Variants in SLC24A3 observed in about 807,000 individuals in gnomAD.
The protein encoded by SLC24A3 is solute carrier family 24 member 3, also known as sodium/potassium/calcium exchanger 3.
In SLC24A3, 28 loss-of-function variants were observed where a neutral mutation model predicts 75.8. That is an observed-to-expected ratio of 0.37 (90% CI 0.27 to 0.51). The LOEUF is 0.51. SLC24A3 is among the 20% of genes least tolerant of loss of function. The pLI, the probability that SLC24A3 is intolerant of heterozygous loss-of-function variation, is 0.94. For missense variants in SLC24A3, 663 were observed against 847.8 expected, an observed-to-expected ratio of 0.78 and a Z score of 2.71; for synonymous variants, 372 against 334.1, an observed-to-expected ratio of 1.11 and a Z score of -1.24.
rs1334350838 is a variant in SLC24A3 at position 19,684,295 on chromosome 20, A to C, written c.1021A>C (p.Lys341Gln). ...CATGATAACCAGCCACTTTCCCCCCAAGACCCGGCTCTCCATGGCCAGTCG... is the reference window on the plus strand; with the variant it reads ...CATGATAACCAGCCACTTTCCCCCCCAGACCCGGCTCTCCATGGCCAGTCG... The part of the protein sequence containing the change: ...RIMITSHFPP[K>Q]TRLSMASRML... Residue 341 changes from lysine to glutamine, a missense_variant, in exon 11 of 17, where the codon AAG becomes CAG. Lys to Gln is a moderately conservative substitution (Grantham distance 53, BLOSUM62 1). Transcript: ENST00000328041. The C allele has an allele frequency of 6.2e-7, 1 of 1,613,960 alleles. No homozygotes were observed. Among genetic ancestry groups the C allele is most frequent in the Non-Finnish European group, 8.5e-7 (1 of 1,180,014 alleles).
chr20:19,585,673 AT>A, intron 6 of SLC24A3, 129 bp downstream of exon 6: 1 of 829,716 alleles, frequency 1.2e-6, no homozygotes. Context: ...GGCAGCAGTG[AT>A]TTGGGACCTC....
chr20:19,448,910 T>A (rs2122478730), intron 2 of SLC24A3, among the ~76,000 whole-genome samples: 1 of 152,296 alleles, frequency 6.6e-6, no homozygotes, highest in Middle Eastern at 3.4e-3. Context: ...CTCCTACTAA[T>A]AAAGGAGAGA....
At chr20:19,643,522 G>A (rs1031286821) in intron 6 of SLC24A3, among the ~76,000 whole-genome samples, 4 of 152,288 alleles carry the variant, frequency 2.6e-5, no homozygotes, top group East Asian at 3.9e-4. Flanking sequence ...TTTTTAGAGA[G>A]ATGAGAGAAA....
intron 6 of SLC24A3, among the ~76,000 whole-genome samples, chr20:19,615,815 G>A (rs561319970): frequency 6.6e-6 from 1 of 152,242 alleles, no homozygotes; most frequent in South Asian, 2.1e-4. Context: ...TCTGAGACTT[G>A]CACCAGTGGC....
At chr20:19,454,402 T>C (rs942803106) in intron 2 of SLC24A3, among the ~76,000 whole-genome samples, 4 of 152,250 alleles carry the variant, frequency 2.6e-5, no homozygotes, top group African/African-American at 9.6e-5. Context: ...ATATTTGGTC[T>C]TGATTTCATT....
chr20:19,381,173 A>G (rs75806506), intron 2 of SLC24A3, among the ~76,000 whole-genome samples: 1,838 of 152,314 alleles, frequency 0.012, 37 homozygotes, highest in African/African-American at 0.039. Context: ...TATTCATTCA[A>G]TTCATTGTTT....
At chr20:19,264,672 T>C (rs1039834883) in intron 1 of SLC24A3, among the ~76,000 whole-genome samples, 8 of 143,184 alleles carry the variant, frequency 5.6e-5, no homozygotes, top group African/African-American at 2.1e-4. Flanking sequence ...GAGGTTGCAG[T>C]GAGCCAAGAT....
intron 2 of SLC24A3, among the ~76,000 whole-genome samples, chr20:19,332,867 C>A (rs1484965636): frequency 6.6e-6 from 1 of 152,184 alleles, no homozygotes; most frequent in Admixed American, 6.5e-5. Context: ...ACCAGCCACC[C>A]TCATTGAGAA....
At chr20:19,430,894 C>T (rs940805166) in intron 2 of SLC24A3, among the ~76,000 whole-genome samples, 2 of 152,144 alleles carry the variant, frequency 1.3e-5, no homozygotes. Context: ...ACACCCTACT[C>T]CATCCTGCCT....
chr20:19,547,887 A>G (rs2030626863), intron 3 of SLC24A3, among the ~76,000 whole-genome samples: 1 of 152,260 alleles, frequency 6.6e-6, no homozygotes, highest in Admixed American at 6.5e-5. Flanking sequence ...AGAAGTCAGG[A>G]CATCTTTGCA....
intron 9 of SLC24A3, among the ~76,000 whole-genome samples, chr20:19,674,801 T>C (rs917240560): frequency 1.3e-5 from 2 of 152,122 alleles, no homozygotes; most frequent in African/African-American, 4.8e-5. Flanking sequence ...GCCTGTAATC[T>C]CAGCACTTTG....
At chr20:19,365,079 C>T (rs762633053) in intron 2 of SLC24A3, among the ~76,000 whole-genome samples, 22 of 152,228 alleles carry the variant, frequency 1.4e-4, no homozygotes, top group Non-Finnish European at 2.9e-4. Context: ...TAGAGCCATG[C>T]AGCTGTGCCA....
intron 2 of SLC24A3, among the ~76,000 whole-genome samples, chr20:19,399,929 C>G (rs1260610626): frequency 1.3e-5 from 2 of 152,314 alleles, no homozygotes; most frequent in East Asian, 3.9e-4. Context: ...TTAGACGAAA[C>G]ATCTAATCTG....
chr20:19,462,513 T>C (rs750658994), intron 2 of SLC24A3, among the ~76,000 whole-genome samples: 17 of 152,174 alleles, frequency 1.1e-4, no homozygotes, highest in Non-Finnish European at 1.8e-4. Context: ...CAACCCAAAC[T>C]TGGGAGAAAG....
intron 3 of SLC24A3, among the ~76,000 whole-genome samples, chr20:19,554,742 A>G (rs2030756294): frequency 6.6e-6 from 1 of 152,216 alleles, no homozygotes; most frequent in African/African-American, 2.4e-5. Flanking sequence ...CAGCAGGCAG[A>G]GCTGAAATAA....
chr20:19,361,289 T>C (rs879658393), intron 2 of SLC24A3, among the ~76,000 whole-genome samples: 3 of 152,216 alleles, frequency 2.0e-5, no homozygotes, highest in Non-Finnish European at 4.4e-5. Context: ...AGATCTTTGT[T>C]GGGAAAAGAC....
At chr20:19,704,614 TAGAG>T (rs1336393266) in intron 15 of SLC24A3, among the ~76,000 whole-genome samples, 1 of 152,142 alleles carries the variant, frequency 6.6e-6, no homozygotes, top group Non-Finnish European at 1.5e-5. Context: ...AGTGATGTTT[TAGAG>T]AGAGAGGTGC....
At chr20:19,610,393 G>C (rs548570920) in intron 6 of SLC24A3, among the ~76,000 whole-genome samples, 1 of 152,318 alleles carries the variant, frequency 6.6e-6, no homozygotes, top group East Asian at 1.9e-4. Flanking sequence ...CAGTGGGGCT[G>C]GGCTGGGACC....
intron 6 of SLC24A3, among the ~76,000 whole-genome samples, chr20:19,616,183 CA>C (rs1247626225): frequency 1.3e-5 from 2 of 152,292 alleles, no homozygotes; most frequent in Admixed American, 1.3e-4. Context: ...ACCAAACTGC[CA>C]GGAATGTATA....
Sources: allele counts gnomAD v4.1 joint callset (sites outside exome capture counted in the v4.1 genomes callset), GRCh38; gene constraint gnomAD v4.1.1; transcripts MANE v1.5; gene names NCBI Gene and HGNC (gene_info 2026-07-23, HGNC 2026-07-21).